Variants in PIK3R4 observed in about 807,000 individuals in gnomAD.
PIK3R4 encodes the protein phosphoinositide-3-kinase regulatory subunit 4.
Under a neutral mutation model 136.5 loss-of-function variants are expected in PIK3R4, and 46 were observed. The observed-to-expected ratio is 0.34, with a 90% CI of 0.27 to 0.43. PIK3R4 has a LOEUF of 0.43. Among genes scored for constraint, PIK3R4 ranks in the 20% least tolerant of loss-of-function variants. The pLI is 1.00. For missense variants in PIK3R4, 1,331 were observed against 1,649.5 expected, an observed-to-expected ratio of 0.81 and a Z score of 3.35; for synonymous variants, 557 against 566.7, an observed-to-expected ratio of 0.98 and a Z score of 0.24.
chr3:130,738,370 TA>T (rs1218672435), intron 2 of PIK3R4, among the ~76,000 whole-genome samples: 3 of 152,118 alleles, frequency 2.0e-5, no homozygotes, highest in Non-Finnish European at 4.4e-5. Flanking sequence ...TTGAGGAACA[TA>T]AGCACATAAA....
intron 19 of PIK3R4, among the ~76,000 whole-genome samples, chr3:130,680,057 T>G (rs1202801464): frequency 1.1e-5 from 1 of 92,492 alleles, no homozygotes; most frequent in East Asian, 3.2e-4. Flanking sequence ...CAAGACTCCA[T>G]CTCAAAAAAA....
chr3:130,681,407 A>G, intron 17 of PIK3R4, 84 bp downstream of exon 17: 1 of 908,446 alleles, frequency 1.1e-6, no homozygotes, highest in Non-Finnish European at 1.8e-6. Flanking sequence ...AAAGCCCAAC[A>G]GATACTAGGT....
chr3:130,744,555 G>A lies in PIK3R4; in HGVS notation c.664C>T (p.Leu222Phe), dbSNP rs761620546. 2.4e-5 allele frequency: 39 copies of A among 1,614,146 alleles called. No individual in the cohort carries two copies. The highest frequency in any genetic ancestry group is 3.0e-5 in the Non-Finnish European group (35 of 1,179,978). ...CTCTGATTGCTATTTAAGTCTACAA[G>A]CGGAGTTGAAGGATCTCTCATATAT... The part of the protein sequence containing the change: ...LEYMRDPSTP[L>F]VDLNSNQRTR... Residue 222 changes from leucine (L) to phenylalanine (F), a missense_variant, in exon 2 of 20, where the codon CTT becomes TTT. Leu to Phe is a conservative substitution (Grantham distance 22, BLOSUM62 0). Around this residue, in one of 2 missense-constraint regions of PIK3R4, gnomAD observed 1,180 missense variants for 1,407.0 expected, o/e 0.84. Transcript: ENST00000356763.
rs747078460 is a variant in PIK3R4, at chr3:130,708,495, A to G, written c.2332-3T>C. 3.1e-6 allele frequency: 5 copies of G among 1,603,286 alleles called. No homozygotes were observed. The South Asian group carries it at 5.5e-5, about 18-fold the overall frequency. On this transcript the variant is annotated splice_polypyrimidine_tract_variant and splice_region_variant and intron_variant, in intron 9 of 19. Transcript: ENST00000356763. Reference sequence around the variant, plus strand: ...TCTTCCTCTTCCTCTGTCATTCCCTAAAACCAAATAAAACCATATGTTCTA... The same window carrying G: ...TCTTCCTCTTCCTCTGTCATTCCCTGAAACCAAATAAAACCATATGTTCTA...
chr3:130,688,549 G>A (rs1309335873), intron 14 of PIK3R4, among the ~76,000 whole-genome samples: 1 of 152,144 alleles, frequency 6.6e-6, no homozygotes, highest in Non-Finnish European at 1.5e-5. Flanking sequence ...GTGGTATACA[G>A]TTAAGTGGGT....
chr3:130,732,268 G>A (rs1382862470), intron 4 of PIK3R4, among the ~76,000 whole-genome samples: 1 of 152,158 alleles, frequency 6.6e-6, no homozygotes, highest in East Asian at 1.9e-4. Flanking sequence ...TCAATAAACA[G>A]TAGCTATTAT....
intron 13 of PIK3R4, among the ~76,000 whole-genome samples, chr3:130,701,652 T>A (rs1373447859): frequency 6.6e-6 from 1 of 152,154 alleles, no homozygotes; most frequent in Non-Finnish European, 1.5e-5. Flanking sequence ...TGAGAGGGAT[T>A]CAGGATACAG....
At position 130,708,393 on chromosome 3, in the gene PIK3R4, G is replaced by T. The variant is rs1321884824; in HGVS notation, c.2431C>A (p.His811Asn). Residue 811 changes from histidine (H) to asparagine (N), a missense_variant, in exon 10 of 20, where the codon CAT (histidine) becomes AAT (asparagine). This residue lies in a region of PIK3R4 where 1,180 missense variants were observed against 1,407.0 expected (regional missense o/e 0.84). Transcript: ENST00000356763. ...ATTACACCTTTCTGACTACTATCAT[G>T]AAGATGGCTCTGGTCCACTATATTG... is the stretch of plus-strand genomic sequence containing the variant. Reference protein sequence around the residue: ...KANIVDQSHLHDSSQKGVIDL... With the variant: ...KANIVDQSHLNDSSQKGVIDL... 1 of 1,613,562 alleles carries T rather than the reference G, an allele frequency of 6.2e-7. No individual in the cohort carries two copies. The highest frequency in any genetic ancestry group is 1.7e-5 in the Admixed American group (1 of 59,996).
At chr3:130,682,053 C>A (rs2066461929) in intron 16 of PIK3R4, among the ~76,000 whole-genome samples, 2 of 152,234 alleles carry the variant, frequency 1.3e-5, no homozygotes, top group South Asian at 4.1e-4. Context: ...TGTACTCCCT[C>A]TGGCTGGGTC....
At chr3:130,680,759 G>T (rs2066452741) in intron 18 of PIK3R4, 38 bp from the exon 19 acceptor site, 2 of 1,244,506 alleles carry the variant, frequency 1.6e-6, no homozygotes, top group South Asian at 2.5e-5. Context: ...ATCTCTTCAG[G>T]ACAATGGGAG....
chr3:130,693,141 C>A (rs546185392), intron 13 of PIK3R4, among the ~76,000 whole-genome samples: 1 of 152,192 alleles, frequency 6.6e-6, no homozygotes, highest in Non-Finnish European at 1.5e-5. Flanking sequence ...TCAAGGTTTA[C>A]TCACATTATA....
intron 7 of PIK3R4, 24 bp downstream of exon 7, chr3:130,723,390 T>C (rs1206719762): frequency 2.5e-6 from 4 of 1,578,132 alleles, no homozygotes; most frequent in Non-Finnish European, 3.4e-6. Flanking sequence ...AATCTCATTC[T>C]AATTTTGAGA....
chr3:130,690,641 A>G lies in PIK3R4; in HGVS notation c.3112T>C (p.Tyr1038His). 6.2e-7 allele frequency: 1 copy of G among 1,602,868 alleles called. No individual in the cohort carries two copies. The highest frequency in any genetic ancestry group is 1.7e-5 in the Admixed American group (1 of 59,312). Residue 1038 changes from tyrosine (Y) to histidine (H), a missense_variant, in exon 14 of 20, where the codon TAC becomes CAC. By Grantham distance (83) the Tyr-to-His change is moderately conservative. Around this residue, in one of 2 missense-constraint regions of PIK3R4, gnomAD observed 1,180 missense variants for 1,407.0 expected, o/e 0.84. Transcript: ENST00000356763. ...TTGACTCGTCCTCCAATTCGGCTGT[A>G]TGTAAGAATAGATCTGAATGAAAGA... Reference protein sequence around the residue: ...KTTTTRSILTYSRIGGRVKTL... With the variant: ...KTTTTRSILTHSRIGGRVKTL...
At chr3:130,703,589 CAGA>C (rs1488880605) in intron 13 of PIK3R4, 131 bp downstream of exon 13, 3 of 659,380 alleles carry the variant, frequency 4.5e-6, no homozygotes, top group Admixed American at 5.2e-5. Context: ...GTAAACTCCA[CAGA>C]AGAAGGATTT....
intron 15 of PIK3R4, among the ~76,000 whole-genome samples, chr3:130,684,904 T>C (rs2066480917): frequency 6.6e-6 from 1 of 152,174 alleles, no homozygotes; most frequent in African/African-American, 2.4e-5. Flanking sequence ...GTGCAGTTTA[T>C]TCACACAAAA....
chr3:130,730,657 T>TA (rs2066756283), intron 4 of PIK3R4, among the ~76,000 whole-genome samples: 1 of 144,790 alleles, frequency 6.9e-6, no homozygotes, highest in Admixed American at 6.9e-5. Flanking sequence ...AAACACAGCT[T>TA]AAAAAAATAA....
intron 6 of PIK3R4, among the ~76,000 whole-genome samples, chr3:130,725,563 A>T (rs563162775): frequency 6.6e-6 from 1 of 150,700 alleles, no homozygotes; most frequent in East Asian, 1.9e-4. Context: ...TGGAATGGGA[A>T]GAGACTTTAC....
At chr3:130,690,839 T>C (rs2066513340) in intron 13 of PIK3R4, among the ~76,000 whole-genome samples, 185 bp from the exon 14 acceptor site, 1 of 151,704 alleles carries the variant, frequency 6.6e-6, no homozygotes, top group African/African-American at 2.4e-5. Context: ...TCCGATATTT[T>C]CAAATGGCCA....
intron 13 of PIK3R4, among the ~76,000 whole-genome samples, chr3:130,698,590 A>G (rs925087729): frequency 3.3e-5 from 5 of 152,234 alleles, no homozygotes; most frequent in African/African-American, 9.6e-5. Context: ...CACTGTTCTC[A>G]TACTTTCCTT....
Sources: gnomAD v4.1 joint callset for allele counts (sites outside exome capture counted in the v4.1 genomes callset) on GRCh38, gnomAD v4.1.1 for gene constraint, gnomAD v4.1.1 regional missense constraint, MANE v1.5 for transcripts, NCBI Gene and HGNC (gene_info 2026-07-23, HGNC 2026-07-21) for gene names.